The following FNDC3A variants were observed in gnomAD, a reference collection of about 807,000 sequenced individuals.
The protein encoded by FNDC3A is fibronectin type III domain containing 3A.
FNDC3A carries 32 observed loss-of-function variants against 148.9 expected under a neutral mutation model. That is an observed-to-expected ratio of 0.21 (90% CI 0.16 to 0.29). The LOEUF (loss-of-function observed/expected upper bound fraction) is 0.29, where lower values mean the gene tolerates loss of function less well. Ranked by LOEUF, FNDC3A falls within the 10% of genes least tolerant of loss-of-function variation. FNDC3A has a pLI of 1.00. For missense variants in FNDC3A, 1,191 were observed against 1,452.8 expected (o/e 0.82, Z 2.93); for synonymous variants, 472 against 473.6 (o/e 1.00, Z 0.04).
intron 4 of FNDC3A, among the ~76,000 whole-genome samples, chr13:49,122,835 A>G (rs1399342389): frequency 6.6e-6 from 1 of 152,208 alleles, no homozygotes; most frequent in Non-Finnish European, 1.5e-5. Context: ...ACCGCTGCTC[A>G]AGGAAATAAG....
intron 8 of FNDC3A, among the ~76,000 whole-genome samples, chr13:49,160,875 GT>G (rs924248897): frequency 9.9e-5 from 15 of 152,010 alleles, no homozygotes; most frequent in African/African-American, 3.6e-4. Context: ...ATTTCGTTAT[GT>G]ACCCAGTAGT....
intron 4 of FNDC3A, among the ~76,000 whole-genome samples, chr13:49,130,573 G>A (rs1424108746): frequency 6.6e-6 from 1 of 151,852 alleles, no homozygotes; most frequent in Non-Finnish European, 1.5e-5. Context: ...TAAATATCTA[G>A]TATCATAACT....
intron 25 of FNDC3A, among the ~76,000 whole-genome samples, chr13:49,205,955 C>T (rs549449877): frequency 1.3e-5 from 2 of 152,300 alleles, no homozygotes; most frequent in South Asian, 4.1e-4. Flanking sequence ...ATTTACATCA[C>T]AGGTACAATT....
intron 3 of FNDC3A, among the ~76,000 whole-genome samples, chr13:49,079,064 G>A (rs1422176466): frequency 2.0e-5 from 3 of 152,142 alleles, no homozygotes; most frequent in Non-Finnish European, 4.4e-5. Context: ...TGAAAACTAG[G>A]TTGAGAATCA....
chr13:49,046,675 A>C (rs1335758393), intron 2 of FNDC3A: 2 of 153,496 alleles, frequency 1.3e-5, no homozygotes, highest in African/African-American at 4.8e-5. Flanking sequence ...GTGGAAATCT[A>C]TTACTTTCTA....
intron 24 of FNDC3A, among the ~76,000 whole-genome samples, 186 bp downstream of exon 24, chr13:49,202,152 C>T (rs1244526487): frequency 6.6e-6 from 1 of 152,158 alleles, no homozygotes; most frequent in Non-Finnish European, 1.5e-5. Context: ...TTTTATCTGG[C>T]ACGCTCATAT....
intron 2 of FNDC3A, among the ~76,000 whole-genome samples, chr13:49,010,789 T>G (rs780760881): frequency 6.6e-6 from 1 of 152,236 alleles, no homozygotes; most frequent in Non-Finnish European, 1.5e-5. Flanking sequence ...ATCCTGACTT[T>G]TATGATAATT....
chr13:49,070,307 G>A (rs1877564528), intron 2 of FNDC3A, among the ~76,000 whole-genome samples: 3 of 151,664 alleles, frequency 2.0e-5, no homozygotes, highest in Admixed American at 2.0e-4. Context: ...AATAAGTAGT[G>A]TTAAAATTTT....
At chr13:49,183,095 T>C (rs543292396) in intron 14 of FNDC3A, among the ~76,000 whole-genome samples, 2 of 152,326 alleles carry the variant, frequency 1.3e-5, no homozygotes, top group South Asian at 4.1e-4. Context: ...TAAAATTTAC[T>C]ACCTTCCAGT....
At chr13:49,128,337 C>T (rs1279193041) in intron 4 of FNDC3A, among the ~76,000 whole-genome samples, 1 of 152,200 alleles carries the variant, frequency 6.6e-6, no homozygotes, top group Non-Finnish European at 1.5e-5. Flanking sequence ...CTCTTCTCAA[C>T]TCAGCAGCCA....
chr13:49,014,964 GT>G (rs1227500021), intron 2 of FNDC3A, among the ~76,000 whole-genome samples: 1 of 151,364 alleles, frequency 6.6e-6, no homozygotes, highest in Non-Finnish European at 1.5e-5. Flanking sequence ...CTATATCTCT[GT>G]TTTGGTACCA....
chr13:49,076,753 A>G (rs1174048902), intron 3 of FNDC3A, among the ~76,000 whole-genome samples: 3 of 151,950 alleles, frequency 2.0e-5, no homozygotes, highest in African/African-American at 7.3e-5. Context: ...CATCATACCA[A>G]TTATTGCACC....
intron 2 of FNDC3A, among the ~76,000 whole-genome samples, chr13:49,016,931 C>T (rs1387038587): frequency 2.6e-5 from 4 of 150,954 alleles, no homozygotes; most frequent in South Asian, 2.1e-4. Context: ...ATTCTTAATC[C>T]TGAGTTCTAG....
chr13:49,062,206 A>T (rs746404995), intron 2 of FNDC3A, among the ~76,000 whole-genome samples: 1 of 152,194 alleles, frequency 6.6e-6, no homozygotes, highest in African/African-American at 2.4e-5. Flanking sequence ...CCATTTACCA[A>T]AAAGAGTGAG....
chr13:49,124,647 T>G (rs1881579571), intron 4 of FNDC3A, among the ~76,000 whole-genome samples: 1 of 152,194 alleles, frequency 6.6e-6, no homozygotes, highest in South Asian at 2.1e-4. Context: ...CTTAATGAGC[T>G]TTATTGTTGC....
intron 1 of FNDC3A, among the ~76,000 whole-genome samples, chr13:48,995,982 T>A (rs2137576585): frequency 6.6e-6 from 1 of 152,266 alleles, no homozygotes; most frequent in Non-Finnish European, 1.5e-5. Flanking sequence ...AAGTCTAAAT[T>A]GGAAAAGTAC....
At chr13:49,092,379 T>C (rs1475343709) in intron 3 of FNDC3A, among the ~76,000 whole-genome samples, 1 of 152,236 alleles carries the variant, frequency 6.6e-6, no homozygotes, top group African/African-American at 2.4e-5. Context: ...CAACTTATCC[T>C]TCACCTTAGG....
chr13:49,132,277 T>G (rs1222710616), intron 5 of FNDC3A, among the ~76,000 whole-genome samples: 1 of 152,204 alleles, frequency 6.6e-6, no homozygotes, highest in Non-Finnish European at 1.5e-5. Flanking sequence ...TAATCAATTC[T>G]CAGCCACAGT....
chr13:49,045,638 C>T, intron 2 of FNDC3A: 1 of 787,148 alleles, frequency 1.3e-6, no homozygotes, highest in Non-Finnish European at 2.0e-6. Flanking sequence ...TAAGGATGCT[C>T]TTCTACAATA....
Sources: gnomAD v4.1 joint callset for allele counts (sites outside exome capture counted in the v4.1 genomes callset) on GRCh38, gnomAD v4.1.1 for gene constraint, MANE v1.5 for transcripts, NCBI Gene and HGNC (gene_info 2026-07-23, HGNC 2026-07-21) for gene names.